DMAP1: variants seen among roughly 807,000 people sequenced by gnomAD.
DMAP1 encodes DNA methyltransferase 1-associated protein 1.
Under a neutral mutation model 52.7 loss-of-function variants are expected in DMAP1, and 26 were observed. The observed-to-expected ratio is 0.49, with a 90% CI of 0.36 to 0.68. The LOEUF is 0.68. Ranked by LOEUF, DMAP1 falls within the 30% of genes least tolerant of loss-of-function variation. DMAP1 has a pLI of 0.00. For missense variants in DMAP1, 439 were observed against 625.2 expected (o/e 0.70, Z 3.18); for synonymous variants, 231 against 246.0 (o/e 0.94, Z 0.57).
intron 3 of DMAP1, 145 bp downstream of exon 3, chr1:44,215,043 T>A (rs756346134): frequency 1.1e-6 from 1 of 925,788 alleles, no homozygotes. Context: ...GGCAAATGCA[T>A]GCAGAGTAGG....
chr1:44,215,051 A>C, intron 3 of DMAP1, 153 bp downstream of exon 3: 2 of 853,294 alleles, frequency 2.3e-6, no homozygotes, highest in South Asian at 1.4e-5. Context: ...CATGCAGAGT[A>C]GGACTCTGTG....
Position 44,218,794 on chromosome 1 carries a change from A to C in DMAP1, c.720+39A>C, listed in dbSNP as rs1207582419. 2 of 1,561,652 alleles carry C rather than the reference A, an allele frequency of 1.3e-6. No individual in the cohort carries two copies. The highest frequency in any genetic ancestry group is 1.7e-6 in the Non-Finnish European group (2 of 1,150,000). On this transcript the variant is annotated intron_variant, in intron 5 of 9. Coordinates refer to ENST00000372289, the MANE Select transcript of DMAP1 (RefSeq NM_019100.5). The surrounding 1 kb of genome is among the most constrained non-coding windows in gnomAD (Gnocchi z 5.6). Reference sequence around the variant, plus strand: ...CACATACCTGTCCTCCATGCCCCAAACCCCTTGCTCATTGTCTCCATCCTC... The same window carrying C: ...CACATACCTGTCCTCCATGCCCCAACCCCCTTGCTCATTGTCTCCATCCTC...
chr1:44,218,927 G>A lies in DMAP1; in HGVS notation c.721-129G>A. The A allele has an allele frequency of 1.4e-6, 2 of 1,419,070 alleles. No homozygotes were observed. Among genetic ancestry groups the A allele is most frequent in the Non-Finnish European group, 1.9e-6 (2 of 1,040,512 alleles). The allele number at this position is 1,419,070 out of a possible 1,614,324, so 87.9% of individuals were successfully genotyped here. The stretch of plus-strand genomic sequence containing the variant: ...TGGGCCATCCCCCCTGCTTTTCATA[G>A]CCCTTCACCTCCCTCATGATCCATT... On this transcript the variant is annotated intron_variant, in intron 5 of 9. Transcript: ENST00000372289. The surrounding 1 kb of genome is among the most constrained non-coding windows in gnomAD (Gnocchi z 5.6).
At chr1:44,215,267 C>T (rs1006159472) in intron 3 of DMAP1, 2 of 467,668 alleles carry the variant, frequency 4.3e-6, no homozygotes, top group East Asian at 1.3e-4. Context: ...TCCTTCGCAT[C>T]CAGTCATTTA....
chr1:44,220,025 C>T lies in DMAP1; in HGVS notation c.1060C>T (p.Pro354Ser). The change falls in exon 9 of 10, where the codon CCG becomes TCG. Residue 354 changes from proline to serine, a missense_variant. By Grantham distance (74) the Pro-to-Ser change is moderately conservative. This residue lies in a region of DMAP1 where 179 missense variants were observed against 285.9 expected (regional missense o/e 0.63). Transcript: ENST00000372289. ...CTGCCGCCTGCCTGCAGAGCTGAGC[C>T]CGACACCTACGGAGGAGCTGGTGCA... is the stretch of plus-strand genomic sequence containing the variant. Reference protein sequence around the residue: ...MLLELGVELSPTPTEELVHMF... With the variant: ...MLLELGVELSSTPTEELVHMF... 6.3e-7 allele frequency: 1 copy of T among 1,599,576 alleles called. No individual in the cohort carries two copies.
In DMAP1 at chr1:44,218,743, G is replaced by C; in HGVS notation, c.708G>C (p.Arg236=). ...AACAGCTTGAGCGTCTCTACAACCG[G>C]ACCCCAGAGCAGGTAAGCCCAAGGC... ...RKEQLERLYN[R]TPEQVAEEEY... is the part of the protein sequence containing the mutation. The change falls in exon 5 of 10, where the codon CGG becomes CGC. Residue 236 remains arginine, a synonymous_variant. Coordinates refer to ENST00000372289, the MANE Select transcript of DMAP1 (RefSeq NM_019100.5). The surrounding 1 kb of genome is among the most constrained non-coding windows in gnomAD (Gnocchi z 5.6). 6.2e-7 allele frequency: 1 copy of C among 1,608,130 alleles called. No individual in the cohort carries two copies. The highest frequency in any genetic ancestry group is 8.5e-7 in the Non-Finnish European group (1 of 1,175,904).
chr1:44,219,357 G>A (rs1643863469), intron 6 of DMAP1, 49 bp from the exon 7 acceptor site: 2 of 1,548,524 alleles, frequency 1.3e-6, no homozygotes, highest in African/African-American at 1.4e-5. Flanking sequence ...GACTAACCCT[G>A]GGCCCTCTCC....
rs1041312090 is a variant in DMAP1, at chr1:44,219,105, G to C, written c.770G>C (p.Arg257Pro). Residue 257 changes from arginine (R) to proline (P), a missense_variant, in exon 6 of 10, where the codon CGG becomes CCG. Physicochemically the swap from Arg to Pro is moderately radical, Grantham distance 103 (BLOSUM62 -2). Coordinates refer to ENST00000372289, the MANE Select transcript of DMAP1 (RefSeq NM_019100.5). ...LLQELRKIEA[R>P]KKEREKRSQD... ...CAGGAGCTGCGCAAGATTGAGGCCC[G>C]GAAGAAGGAGCGGGAGAAACGCAGC... 2 of 1,614,042 alleles carry C rather than the reference G, an allele frequency of 1.2e-6. No homozygotes were observed. The highest frequency in any genetic ancestry group is 1.7e-6 in the Non-Finnish European group (2 of 1,180,034).
rs769155234 is a variant in DMAP1 at position 44,213,750 on chromosome 1, C to A, written c.-4C>A. 2 of 1,572,262 alleles carry A rather than the reference C, an allele frequency of 1.3e-6. No homozygotes were observed. The highest frequency in any genetic ancestry group is 8.6e-7 in the Non-Finnish European group (1 of 1,159,206). ...TCCGGTGGCTCCCCCATCTCTCAGGCGCGATGGCTACGGGCGCGGATGTAC... is the reference window on the plus strand; with the variant it reads ...TCCGGTGGCTCCCCCATCTCTCAGGAGCGATGGCTACGGGCGCGGATGTAC... On this transcript the variant is annotated 5_prime_UTR_variant, in exon 1 of 10. Transcript: ENST00000372289. This position sits in a 1 kb window ranked among gnomAD's most constrained non-coding sequence, Gnocchi z 4.5.
intron 3 of DMAP1, chr1:44,215,502 G>C (rs1643773389): frequency 3.0e-6 from 1 of 336,824 alleles, no homozygotes; most frequent in African/African-American, 2.2e-5. Flanking sequence ...AAAGAAGGTA[G>C]GGGAAAACAA....
intron 3 of DMAP1, chr1:44,215,337 A>G: frequency 2.2e-6 from 1 of 456,694 alleles, no homozygotes; most frequent in South Asian, 1.5e-5. Context: ...CCCTGAACAG[A>G]GCTCATCATC....
Position 44,213,514 on chromosome 1 carries a change from G to A in DMAP1, c.-240G>A. On this transcript the variant is annotated 5_prime_UTR_variant, in exon 1 of 10. Coordinates refer to ENST00000372289, the MANE Select transcript of DMAP1 (RefSeq NM_019100.5). This position sits in a 1 kb window ranked among gnomAD's most constrained non-coding sequence, Gnocchi z 4.5. Reference sequence around the variant, plus strand: ...CGGGGGAGTGGTAGTGGGGGCTGCAGCTGCCGGACCCAGGTGCGGAAGTGC... The same window carrying A: ...CGGGGGAGTGGTAGTGGGGGCTGCAACTGCCGGACCCAGGTGCGGAAGTGC... The A allele has an allele frequency of 2.1e-6, 1 of 477,778 alleles. No individual in the cohort carries two copies. The highest frequency in any genetic ancestry group is 2.7e-5 in the South Asian group (1 of 37,428). The allele number at this position is 477,778 out of a possible 1,614,324, so 29.6% of individuals were successfully genotyped here.
chr1:44,218,790 CCA>C lies in DMAP1; in HGVS notation c.720+36_720+37del. ...AGGCCACATACCTGTCCTCCATGCC[CCA>C]AACCCCTTGCTCATTGTCTCCATCC... On this transcript the variant is annotated intron_variant, in intron 5 of 9. Coordinates refer to ENST00000372289, the MANE Select transcript of DMAP1 (RefSeq NM_019100.5). The surrounding 1 kb of genome is among the most constrained non-coding windows in gnomAD (Gnocchi z 5.6). 1 of 1,566,494 alleles carries C rather than the reference CCA, an allele frequency of 6.4e-7. No homozygotes were observed. The highest frequency in any genetic ancestry group is 2.3e-5 in the East Asian group (1 of 44,318).
At position 44,218,981 on chromosome 1, in the gene DMAP1, A is replaced by G. The variant is rs1403771322; in HGVS notation, c.721-75A>G. ...TCTCAGATTCCCTCACAGACAGCCC[A>G]GCACCCTGTCACCTCCGTGTCTACC... On this transcript the variant is annotated intron_variant, in intron 5 of 9. Transcript: ENST00000372289. This position sits in a 1 kb window ranked among gnomAD's most constrained non-coding sequence, Gnocchi z 5.6. The G allele has an allele frequency of 3.8e-6, 6 of 1,565,966 alleles. No homozygotes were observed. Among genetic ancestry groups the G allele is most frequent in the Non-Finnish European group, 5.2e-6 (6 of 1,148,710 alleles).
intron 9 of DMAP1, 79 bp from the exon 10 acceptor site, chr1:44,220,480 G>C: frequency 6.2e-7 from 1 of 1,611,764 alleles, no homozygotes. Flanking sequence ...CCTTGTCCCT[G>C]AGCGTGTGAA....
At chr1:44,216,273 A>T (rs1643791342) in intron 3 of DMAP1, 1 of 151,480 alleles carries the variant, frequency 6.6e-6, no homozygotes. Context: ...TCTGTCTGCC[A>T]GGCTGGAGTG....
intron 3 of DMAP1, 62 bp downstream of exon 3, chr1:44,214,960 A>G: frequency 6.3e-7 from 1 of 1,594,246 alleles, no homozygotes; most frequent in Non-Finnish European, 8.6e-7. Flanking sequence ...CATTTGTGCG[A>G]GCTCTCCAGT....
intron 3 of DMAP1, chr1:44,217,973 C>T: frequency 7.3e-6 from 3 of 410,914 alleles, no homozygotes; most frequent in South Asian, 6.6e-5. Context: ...GGTAATTAGC[C>T]ATCTGTCCTA....
At position 44,220,548 on chromosome 1, in the gene DMAP1, T is replaced by C; in HGVS notation, c.1345-11T>C. On this transcript the variant is annotated splice_polypyrimidine_tract_variant and intron_variant, in intron 9 of 9. Coordinates refer to ENST00000372289, the MANE Select transcript of DMAP1 (RefSeq NM_019100.5). The stretch of plus-strand genomic sequence containing the variant: ...GGGTCACTGACCTCAATGCCTTCTG[T>C]GTATCCTCAGAGAAAGCGACGGGAG... 1 of 1,614,194 alleles carries C rather than the reference T, an allele frequency of 6.2e-7. No individual in the cohort carries two copies. The highest frequency in any genetic ancestry group is 1.3e-5 in the African/African-American group (1 of 75,044).
Sources: gnomAD v4.1 joint callset for allele counts on GRCh38, gnomAD v4.1.1 for gene constraint, gnomAD v4.1.1 regional missense constraint, Gnocchi (gnomAD v3.1) non-coding constraint, MANE v1.5 for transcripts, NCBI Gene and HGNC (gene_info 2026-07-23, HGNC 2026-07-21) for gene names.